Variants in NHLRC2 observed in about 807,000 individuals in gnomAD.
The protein encoded by NHLRC2 is NHL repeat containing 2.
NHLRC2 carries 33 observed loss-of-function variants against 68.1 expected under a neutral mutation model. The ratio of observed to expected loss-of-function variants is 0.48; its 90% CI spans 0.37 to 0.65. The LOEUF is 0.65. Among genes scored for constraint, NHLRC2 ranks in the 30% least tolerant of loss-of-function variants. The probability of loss-of-function intolerance (pLI) is 0.00; values close to 1 mark genes in which losing one functional copy is unlikely to be tolerated. For missense variants in NHLRC2, 761 were observed against 853.8 expected (o/e 0.89, Z 1.35); for synonymous variants, 311 against 309.6 (o/e 1.00, Z -0.05).
chr10:113,897,556 G>A (rs941571173), intron 5 of NHLRC2, among the ~76,000 whole-genome samples: 9 of 152,150 alleles, frequency 5.9e-5, no homozygotes, highest in Non-Finnish European at 8.8e-5. Flanking sequence ...CTTTTATTTG[G>A]ATGCCAGTAT....
chr10:113,855,634 GTTGTTTTGTTTTGTTTTGTT>G (rs370457817), intron 1 of NHLRC2, among the ~76,000 whole-genome samples: 3 of 151,096 alleles, frequency 2.0e-5, no homozygotes, highest in African/African-American at 7.4e-5. Context: ...CGCCTGGCTA[GTTGTTTTGTTTTGTTTTGTT>G]TTGTTTTGTT....
chr10:113,879,647 G>A lies in NHLRC2; in HGVS notation c.861G>A (p.Met287Ile). The A allele has an allele frequency of 6.4e-7, 1 of 1,563,056 alleles. No individual in the cohort carries two copies. Among genetic ancestry groups the A allele is most frequent in the Non-Finnish European group, 8.8e-7 (1 of 1,141,332 alleles). The change falls in exon 4 of 11, where the codon ATG becomes ATA. Residue 287 changes from methionine (M) to isoleucine (I), a missense_variant. Transcript: ENST00000369301. ...TFNSPQGVAI[M>I]NNIIYVADTE... ...ATTCTCCACAGGGTGTAGCCATAAT[G>A]AATAATATCATATATGTGGCAGACA...
At chr10:113,893,465 A>T (rs1846150550) in intron 5 of NHLRC2, among the ~76,000 whole-genome samples, 5 of 152,192 alleles carry the variant, frequency 3.3e-5, no homozygotes, top group Admixed American at 3.3e-4. Context: ...AAGACTTGTT[A>T]AGGTTGTTAA....
intron 2 of NHLRC2, among the ~76,000 whole-genome samples, chr10:113,869,724 A>G (rs1430544068): frequency 6.6e-6 from 1 of 152,230 alleles, no homozygotes; most frequent in Non-Finnish European, 1.5e-5. Context: ...ATACTTTATG[A>G]TAAATATTAC....
intron 2 of NHLRC2, among the ~76,000 whole-genome samples, chr10:113,873,517 G>A (rs1845949190): frequency 6.6e-6 from 1 of 152,116 alleles, no homozygotes; most frequent in South Asian, 2.1e-4. Flanking sequence ...TGAGGCTGTT[G>A]CTTTTGTGTG....
Position 113,867,988 on chromosome 10 carries a change from GT to G in NHLRC2, c.332-8527del, listed in dbSNP as rs1845884831. On this transcript the variant is annotated intron_variant, in intron 2 of 10. Coordinates refer to ENST00000369301, the MANE Select transcript of NHLRC2 (RefSeq NM_198514.4). ...TTAGAAGCAGTTATATATTTATCAT[GT>G]TTTTTGTTGGTTAGTCAGAGACAAG... is the stretch of plus-strand genomic sequence containing the variant. Among the ~76,000 whole-genome samples the G allele has an allele frequency of 2.6e-5, 4 of 152,058 alleles. No individual in the cohort carries two copies. In the South Asian group the frequency reaches 8.3e-4, roughly 32 times the overall value.
At chr10:113,855,254 C>T (rs999923942) in intron 1 of NHLRC2, among the ~76,000 whole-genome samples, 6 of 152,224 alleles carry the variant, frequency 3.9e-5, no homozygotes, top group Non-Finnish European at 8.8e-5. Flanking sequence ...TTCCCTGGCA[C>T]GGGGATCCAC....
intron 3 of NHLRC2, among the ~76,000 whole-genome samples, chr10:113,879,344 T>C (rs1344334734): frequency 6.6e-6 from 1 of 152,184 alleles, no homozygotes; most frequent in East Asian, 1.9e-4. Context: ...TTTAAAATTA[T>C]TTTCTTCGCT....
chr10:113,877,247 CT>C (rs758830632), intron 3 of NHLRC2, among the ~76,000 whole-genome samples: 1,677 of 140,546 alleles, frequency 0.012, 8 homozygotes, highest in Middle Eastern at 0.019. Flanking sequence ...TATATTCTAT[CT>C]TTTTTTTTTT....
intron 10 of NHLRC2, among the ~76,000 whole-genome samples, chr10:113,907,480 T>C (rs1846287144): frequency 6.6e-6 from 1 of 152,206 alleles, no homozygotes; most frequent in African/African-American, 2.4e-5. Context: ...TGCCACCTTT[T>C]TAGGCTGAAT....
At chr10:113,879,991 A>G (rs528563712) in intron 4 of NHLRC2, among the ~76,000 whole-genome samples, 77 of 152,190 alleles carry the variant, frequency 5.1e-4, no homozygotes, top group African/African-American at 1.7e-3. Flanking sequence ...CCACTAGTTT[A>G]CAATGATCCT....
chr10:113,882,790 C>T (rs879355893), intron 4 of NHLRC2, among the ~76,000 whole-genome samples: 7 of 151,692 alleles, frequency 4.6e-5, no homozygotes, highest in Admixed American at 3.9e-4. Flanking sequence ...TTATTTACCC[C>T]TGTGTTTTAT....
At position 113,858,672 on chromosome 10, in the gene NHLRC2, CT is replaced by C. The variant is rs1239326196; in HGVS notation, c.324del (p.Asp109IlefsTer49). 6.2e-7 allele frequency: 1 copy of C among 1,609,142 alleles called. No homozygotes were observed. The highest frequency in any genetic ancestry group is 1.1e-5 in the South Asian group (1 of 90,752). On this transcript the variant is annotated frameshift_variant, in exon 2 of 11. Coordinates refer to ENST00000369301, the MANE Select transcript of NHLRC2 (RefSeq NM_198514.4). LOFTEE classifies it high-confidence loss of function. ...PDLHALEHTY[S>X]DKDGLLIIGV... ...CTCCATGCATTAGAACACACATACT[CT>C]GATAAAGGTATCTGCTCTTTAATTA...
rs1846343404 is a variant in NHLRC2 at position 113,912,938 on chromosome 10, C to T, written c.*4402C>T. 1 of 152,160 alleles carries T rather than the reference C, an allele frequency of 6.6e-6. No homozygotes were observed. The highest frequency in any genetic ancestry group is 2.4e-5 in the African/African-American group (1 of 41,452). The allele number at this position is 152,160 out of a possible 1,614,324, so 9.4% of individuals were successfully genotyped here. A position where few individuals can be genotyped will look rare whatever the true frequency, so the allele number is the denominator to read the frequency against. ...AAAACGAACTGCTCAATTAAGAGTT[C>T]TTCCATGGACACTTTCTTAAGCCTT... On this transcript the variant is annotated 3_prime_UTR_variant, in exon 11 of 11. Transcript: ENST00000369301.
In NHLRC2 at chr10:113,905,091, T is replaced by C. The variant is rs141310732; in HGVS notation, c.1924+55T>C. On this transcript the variant is annotated intron_variant, in intron 10 of 10. Transcript: ENST00000369301. Reference sequence around the variant, plus strand: ...CATCATATATTCTTGATGTTTAATCTAGTTATTTTTTATTTGTTAGGTGAT... The same window carrying C: ...CATCATATATTCTTGATGTTTAATCCAGTTATTTTTTATTTGTTAGGTGAT... 2.3e-3 allele frequency: 2,079 copies of C among 921,514 alleles called. 19 individuals carry two copies. In the Middle Eastern group the frequency reaches 0.048, roughly 21 times the overall value. 57.1% of individuals were successfully genotyped at this position (921,514 alleles called of 1,614,324 possible).
chr10:113,886,880 A>T (rs757908387), intron 5 of NHLRC2, among the ~76,000 whole-genome samples: 9 of 152,220 alleles, frequency 5.9e-5, no homozygotes, highest in Non-Finnish European at 1.2e-4. Context: ...GTGGGATTGC[A>T]TCAAACTAAA....
Position 113,915,100 on chromosome 10 carries a change from A to G in NHLRC2, c.*6564A>G. The G allele has an allele frequency of 2.2e-6, 1 of 456,266 alleles. No homozygotes were observed. The highest frequency in any genetic ancestry group is 4.4e-6 in the Non-Finnish European group (1 of 226,958). The allele number at this position is 456,266 out of a possible 1,614,324, so 28.3% of individuals were successfully genotyped here. ...TTTCAAGGGTTGGAGTTGGAAAGTGAAAACCCTAGACACTTGCTGTGGAAT... is the reference window on the plus strand; with the variant it reads ...TTTCAAGGGTTGGAGTTGGAAAGTGGAAACCCTAGACACTTGCTGTGGAAT... On this transcript the variant is annotated 3_prime_UTR_variant, in exon 11 of 11. Transcript: ENST00000369301.
intron 5 of NHLRC2, among the ~76,000 whole-genome samples, chr10:113,894,457 CCAA>C (rs1846160579): frequency 6.6e-6 from 1 of 152,058 alleles, no homozygotes; most frequent in South Asian, 2.1e-4. Flanking sequence ...GACCCTGTAC[CCAA>C]CAACATTGCT....
At chr10:113,875,877 C>T (rs1437373700) in intron 2 of NHLRC2, among the ~76,000 whole-genome samples, 2 of 147,260 alleles carry the variant, frequency 1.4e-5, no homozygotes, top group African/African-American at 2.5e-5. Context: ...CTTTGGTAGT[C>T]AATATTGAAT....
Sources: allele counts gnomAD v4.1 joint callset (sites outside exome capture counted in the v4.1 genomes callset), GRCh38; gene constraint gnomAD v4.1.1; transcripts MANE v1.5; gene names NCBI Gene and HGNC (gene_info 2026-07-23, HGNC 2026-07-21).